COL19A1: variants seen among roughly 807,000 people sequenced by gnomAD.
The protein encoded by COL19A1 is collagen alpha-1(XIX) chain.
COL19A1 carries 159 observed loss-of-function variants against 190.2 expected under a neutral mutation model. That is an observed-to-expected ratio of 0.84 (90% CI 0.73 to 0.95). The LOEUF is 0.95. COL19A1 is among the 40% of genes least tolerant of loss of function. The pLI is 0.00. For synonymous variants in COL19A1, 509 were observed against 458.9 expected, an observed-to-expected ratio of 1.11 and a Z score of -1.39; for missense variants, 1,418 against 1,431.9, an observed-to-expected ratio of 0.99 and a Z score of 0.16.
In COL19A1 at chr6:70,142,774, A is replaced by G. The variant is rs1471069664; in HGVS notation, c.1580A>G (p.Gln527Arg). The change falls in exon 23 of 51, where the codon CAA becomes CGA. Residue 527 changes from glutamine (Q) to arginine (R), a missense_variant. Coordinates refer to ENST00000620364, the MANE Select transcript of COL19A1 (RefSeq NM_001858.6). ...TACCACCTTTTATTTTAGGGTCAGC[A>G]AGGATCTGCAGGCTCCATGGGACCC... ...LIGSPGLKGQ[Q>R]GSAGSMGPRG... The G allele has an allele frequency of 6.2e-7, 1 of 1,612,018 alleles. No homozygotes were observed. The highest frequency in any genetic ancestry group is 8.5e-7 in the Non-Finnish European group (1 of 1,178,892).
intron 11 of COL19A1, among the ~76,000 whole-genome samples, chr6:69,996,486 A>T (rs1776911970): frequency 6.6e-6 from 1 of 152,220 alleles, no homozygotes; most frequent in Admixed American, 6.5e-5. Context: ...ATGGTAAGCT[A>T]CAGGTATATT....
At chr6:70,188,300 T>G in intron 47 of COL19A1, 55 bp downstream of exon 47, 1 of 1,508,404 alleles carries the variant, frequency 6.6e-7, no homozygotes, top group Admixed American at 2.4e-5. Context: ...CATGTATCCC[T>G]TTTACAATGA....
intron 27 of COL19A1, 72 bp from the exon 28 acceptor site, chr6:70,149,632 C>A: frequency 1.3e-6 from 2 of 1,582,130 alleles, no homozygotes; most frequent in African/African-American, 1.4e-5. Flanking sequence ...AATGCTTAGT[C>A]TTTTATGTCA....
chr6:69,914,426 G>A (rs1561990137), intron 4 of COL19A1, among the ~76,000 whole-genome samples: 1 of 152,136 alleles, frequency 6.6e-6, no homozygotes, highest in Admixed American at 6.5e-5. Flanking sequence ...CTCAGGAAAT[G>A]TAACTTGTAT....
At chr6:70,121,974 A>T (rs1474766065) in intron 17 of COL19A1, 32 bp downstream of exon 17, 1 of 1,378,068 alleles carries the variant, frequency 7.3e-7, no homozygotes, top group South Asian at 1.3e-5. Context: ...AATTTATAAT[A>T]CATAGAAATT....
chr6:69,894,545 C>T (rs1410907304), intron 2 of COL19A1, among the ~76,000 whole-genome samples: 3 of 152,112 alleles, frequency 2.0e-5, no homozygotes, highest in Non-Finnish European at 4.4e-5. Context: ...GATCTAAGCA[C>T]TTGTCTTTCT....
chr6:70,133,058 G>A (rs764875572), intron 18 of COL19A1, among the ~76,000 whole-genome samples: 13 of 152,112 alleles, frequency 8.5e-5, no homozygotes, highest in Non-Finnish European at 1.2e-4. Context: ...GTCTCATTTA[G>A]CACTTTTGAG....
chr6:70,075,542 A>C (rs1781832643), intron 15 of COL19A1, among the ~76,000 whole-genome samples: 1 of 152,230 alleles, frequency 6.6e-6, no homozygotes, highest in South Asian at 2.1e-4. Flanking sequence ...GGGAAAGATA[A>C]ATCAAGGAAA....
chr6:69,988,028 GA>G (rs1177589021), intron 11 of COL19A1, among the ~76,000 whole-genome samples: 1 of 152,128 alleles, frequency 6.6e-6, no homozygotes, highest in Non-Finnish European at 1.5e-5. Flanking sequence ...ACAGGTTCTG[GA>G]AAAGACTCAA....
intron 7 of COL19A1, among the ~76,000 whole-genome samples, chr6:69,936,311 G>A (rs760544441): frequency 3.3e-5 from 5 of 152,024 alleles, no homozygotes; most frequent in African/African-American, 1.2e-4. Flanking sequence ...AATAAATGTT[G>A]TCTAAGAGTG....
At chr6:70,020,896 A>ATTT (rs1562092540) in intron 11 of COL19A1, among the ~76,000 whole-genome samples, 1 of 151,966 alleles carries the variant, frequency 6.6e-6, no homozygotes, top group African/African-American at 2.4e-5. Flanking sequence ...ATTGAATACC[A>ATTT]TTTTTCTGCC....
intron 11 of COL19A1, among the ~76,000 whole-genome samples, chr6:69,992,422 ATGT>A (rs1308712447): frequency 6.6e-6 from 1 of 152,002 alleles, no homozygotes; most frequent in Non-Finnish European, 1.5e-5. Flanking sequence ...TCTGTGAAAA[ATGT>A]TGTTAGTAGT....
intron 4 of COL19A1, among the ~76,000 whole-genome samples, chr6:69,924,415 C>T (rs1383407366): frequency 2.6e-5 from 4 of 152,142 alleles, no homozygotes; most frequent in African/African-American, 9.7e-5. Context: ...ATCCATGTCC[C>T]TACAAAGGAC....
At chr6:70,133,468 C>G (rs535195066) in intron 18 of COL19A1, among the ~76,000 whole-genome samples, 1 of 152,200 alleles carries the variant, frequency 6.6e-6, no homozygotes, top group Non-Finnish European at 1.5e-5. Context: ...TGGAAATGAA[C>G]GATCCCTGCT....
intron 19 of COL19A1, among the ~76,000 whole-genome samples, chr6:70,138,737 C>T (rs1425243484): frequency 6.6e-6 from 1 of 152,062 alleles, no homozygotes; most frequent in Non-Finnish European, 1.5e-5. Flanking sequence ...CAGTCTGTGG[C>T]CTATGTACCC....
intron 9 of COL19A1, among the ~76,000 whole-genome samples, chr6:69,949,290 T>C (rs1773991518): frequency 6.6e-6 from 1 of 151,794 alleles, no homozygotes; most frequent in Non-Finnish European, 1.5e-5. Flanking sequence ...CCACTTTCTC[T>C]TCCCAAGGAC....
intron 8 of COL19A1, among the ~76,000 whole-genome samples, chr6:69,937,710 T>C (rs1247951230): frequency 2.0e-5 from 3 of 152,146 alleles, no homozygotes; most frequent in African/African-American, 7.2e-5. Flanking sequence ...GAAACTTTCA[T>C]TTTTTCTAGT....
intron 11 of COL19A1, among the ~76,000 whole-genome samples, chr6:69,980,359 C>T (rs954743682): frequency 5.3e-5 from 8 of 151,982 alleles, no homozygotes; most frequent in Non-Finnish European, 7.4e-5. Flanking sequence ...ATTGGCACTA[C>T]CGAGTCTATC....
intron 49 of COL19A1, among the ~76,000 whole-genome samples, chr6:70,206,004 TATA>T (rs1401762442): frequency 1.3e-5 from 2 of 152,218 alleles, no homozygotes; most frequent in East Asian, 1.9e-4. Context: ...TTAGAGAAGA[TATA>T]ATGTTTATAG....
Sources: gnomAD v4.1 joint callset for allele counts (sites outside exome capture counted in the v4.1 genomes callset) on GRCh38, gnomAD v4.1.1 for gene constraint, MANE v1.5 for transcripts, NCBI Gene and HGNC (gene_info 2026-07-23, HGNC 2026-07-21) for gene names.